Variants in PLCB1 observed in about 807,000 individuals in gnomAD.
PLCB1 encodes the protein phospholipase C beta 1, also known as 1-phosphatidylinositol 4,5-bisphosphate phosphodiesterase beta-1.
Under a neutral mutation model 161.8 loss-of-function variants are expected in PLCB1, and 46 were observed. That is an observed-to-expected ratio of 0.28 (90% CI 0.22 to 0.36). The LOEUF (loss-of-function observed/expected upper bound fraction) is 0.36. PLCB1 is among the 10% of genes least tolerant of loss of function. The pLI is 1.00. For missense variants in PLCB1, 1,016 were observed against 1,472.5 expected, an observed-to-expected ratio of 0.69 and a Z score of 5.07; for synonymous variants, 517 against 503.7, an observed-to-expected ratio of 1.03 and a Z score of -0.35.
intron 2 of PLCB1, among the ~76,000 whole-genome samples, chr20:8,175,305 T>C (rs1334087700): frequency 6.6e-6 from 1 of 151,988 alleles, no homozygotes; most frequent in Non-Finnish European, 1.5e-5. Context: ...ATAAATACCT[T>C]AAAGGTAAAA....
intron 3 of PLCB1, among the ~76,000 whole-genome samples, chr20:8,436,464 A>G (rs1980316142): frequency 6.6e-6 from 1 of 150,594 alleles, no homozygotes; most frequent in South Asian, 2.1e-4. Context: ...CAAACACTTC[A>G]GGTTTATCCT....
At chr20:8,524,127 CAT>C (rs1984489711) in intron 3 of PLCB1, among the ~76,000 whole-genome samples, 2 of 152,034 alleles carry the variant, frequency 1.3e-5, no homozygotes, top group African/African-American at 4.8e-5. Context: ...TAAAAGCCTT[CAT>C]ATCCAAAAAA....
chr20:8,834,465 A>T (rs76105891), intron 31 of PLCB1, among the ~76,000 whole-genome samples: 5 of 152,056 alleles, frequency 3.3e-5, no homozygotes, highest in African/African-American at 4.8e-5. Flanking sequence ...TCATGTGATT[A>T]TGGAGGCTGG....
rs985845588 is a variant in PLCB1 at position 8,433,724 on chromosome 20, ATCCTCC to A, written c.246+62289_246+62294del. 3.0e-4 allele frequency among the ~76,000 whole-genome samples: 44 copies of A among 146,876 alleles called. 7 individuals are homozygous for A. Among genetic ancestry groups the A allele is most frequent in the African/African-American group, 1.0e-3 (41 of 39,206 alleles). ...TCTCCTCTTCCTCCTCCTCCTCCTCATCCTCCTCCTCCTCCTCCTCATGGACAATTG... is the reference window on the plus strand; with the variant it reads ...TCTCCTCTTCCTCCTCCTCCTCCTCATCCTCCTCCTCCTCATGGACAATTG... On this transcript the variant is annotated intron_variant, in intron 3 of 31. Coordinates refer to ENST00000338037, the MANE Select transcript of PLCB1 (RefSeq NM_015192.4).
At chr20:8,544,055 C>T (rs1568501440) in intron 3 of PLCB1, among the ~76,000 whole-genome samples, 1 of 152,142 alleles carries the variant, frequency 6.6e-6, no homozygotes, top group Non-Finnish European at 1.5e-5. Context: ...AGGATCACCT[C>T]CTTATGTGGG....
Position 8,739,237 on chromosome 20 carries a change from G to A in PLCB1, c.2209-24G>A, listed in dbSNP as rs373482157. On this transcript the variant is annotated intron_variant, in intron 20 of 31. Coordinates refer to ENST00000338037, the MANE Select transcript of PLCB1 (RefSeq NM_015192.4). ...TGGAATTGTTCATTCTTATAACCAG[G>A]TGTGTCCTTAATGTCCTTTGTAGGT... 58 of 1,282,954 alleles carry A rather than the reference G, an allele frequency of 4.5e-5. 1 individual carries two copies. The East Asian group carries it at 1.1e-3, about 24-fold the overall frequency. 79.5% of individuals were successfully genotyped at this position (1,282,954 alleles called of 1,614,324 possible).
chr20:8,174,756 A>T (rs2051765483), intron 2 of PLCB1, among the ~76,000 whole-genome samples: 1 of 152,188 alleles, frequency 6.6e-6, no homozygotes, highest in Non-Finnish European at 1.5e-5. Context: ...TCACATATGC[A>T]TATTGTATTA....
At chr20:8,536,466 A>G (rs1176773292) in intron 3 of PLCB1, among the ~76,000 whole-genome samples, 1 of 152,156 alleles carries the variant, frequency 6.6e-6, no homozygotes, top group Non-Finnish European at 1.5e-5. Flanking sequence ...CTATTGCTGC[A>G]GAGCAAACCA....
chr20:8,853,031 T>C (rs1417915923), intron 31 of PLCB1, among the ~76,000 whole-genome samples: 1 of 152,190 alleles, frequency 6.6e-6, no homozygotes, highest in African/African-American at 2.4e-5. Flanking sequence ...GAAGCATCTC[T>C]AAAAACAACT....
intron 3 of PLCB1, among the ~76,000 whole-genome samples, chr20:8,544,425 A>G (rs1985455732): frequency 6.6e-6 from 1 of 152,174 alleles, no homozygotes; most frequent in Non-Finnish European, 1.5e-5. Flanking sequence ...TTTTTGCCTC[A>G]CTTCTACTAC....
chr20:8,843,180 A>T (rs1051587205), intron 31 of PLCB1, among the ~76,000 whole-genome samples: 4 of 152,350 alleles, frequency 2.6e-5, no homozygotes, highest in African/African-American at 9.6e-5. Flanking sequence ...AAAACCTACA[A>T]AATCTGGGTT....
intron 3 of PLCB1, among the ~76,000 whole-genome samples, chr20:8,589,544 A>G (rs13036477): frequency 0.31 from 46,582 of 150,672 alleles, 8,464 homozygotes; most frequent in Non-Finnish European, 0.41. Flanking sequence ...TAGACAGAAG[A>G]CCATCTTCTT....
chr20:8,487,908 GC>G (rs1227543872), intron 3 of PLCB1, among the ~76,000 whole-genome samples: 2 of 152,094 alleles, frequency 1.3e-5, no homozygotes, highest in Non-Finnish European at 2.9e-5. Flanking sequence ...CCCAGGGGTG[GC>G]ACACAGGCAA....
chr20:8,225,512 AGTTTCTTGAT>A (rs1353575812), intron 2 of PLCB1, among the ~76,000 whole-genome samples: 5 of 152,232 alleles, frequency 3.3e-5, no homozygotes, highest in Non-Finnish European at 7.3e-5. Context: ...ATAATCTTAT[AGTTTCTTGAT>A]ATCTTGTGTC....
intron 2 of PLCB1, among the ~76,000 whole-genome samples, chr20:8,370,207 C>T (rs1267703455): frequency 3.3e-5 from 5 of 152,192 alleles, no homozygotes; most frequent in Non-Finnish European, 7.4e-5. Context: ...TCCTACCTGG[C>T]TGGTGGTAGA....
chr20:8,143,317 C>CA (rs1450675849), intron 1 of PLCB1, among the ~76,000 whole-genome samples: 1 of 152,192 alleles, frequency 6.6e-6, no homozygotes, highest in Non-Finnish European at 1.5e-5. Context: ...TGGCTGTGGG[C>CA]AACATGGCTC....
intron 31 of PLCB1, among the ~76,000 whole-genome samples, chr20:8,815,109 C>T (rs932090231): frequency 6.6e-6 from 1 of 151,748 alleles, no homozygotes; most frequent in Non-Finnish European, 1.5e-5. Context: ...AACAGGTCAT[C>T]GCTGCACTGC....
intron 27 of PLCB1, among the ~76,000 whole-genome samples, chr20:8,781,952 G>A (rs1301111032): frequency 2.0e-5 from 3 of 152,048 alleles, no homozygotes; most frequent in Admixed American, 2.0e-4. Context: ...GATTTGGGTG[G>A]GGACACAGAG....
intron 2 of PLCB1, among the ~76,000 whole-genome samples, chr20:8,196,834 A>G (rs2052029735): frequency 6.6e-6 from 1 of 151,590 alleles, no homozygotes; most frequent in South Asian, 2.1e-4. Context: ...CAACCCCACA[A>G]CAGGCCCCAG....
Sources: gnomAD v4.1 joint callset for allele counts (sites outside exome capture counted in the v4.1 genomes callset) on GRCh38, gnomAD v4.1.1 for gene constraint, MANE v1.5 for transcripts, NCBI Gene and HGNC (gene_info 2026-07-23, HGNC 2026-07-21) for gene names.